Variants in CACNA2D1 observed in about 807,000 individuals in gnomAD.
CACNA2D1 encodes calcium voltage-gated channel auxiliary subunit alpha2delta 1.
In CACNA2D1, 53 loss-of-function variants were observed where a neutral mutation model predicts 171.5. That is an observed-to-expected ratio of 0.31 (90% CI 0.25 to 0.39). CACNA2D1 has a LOEUF of 0.39. CACNA2D1 is among the 10% of genes least tolerant of loss of function. The probability of loss-of-function intolerance (pLI) is 1.00; values close to 1 mark genes in which losing one functional copy is unlikely to be tolerated. For synonymous variants in CACNA2D1, 442 were observed against 443.1 expected (o/e 1.00, Z 0.03); for missense variants, 903 against 1,299.8 (o/e 0.69, Z 4.69).
At chr7:82,124,408 T>C (rs1790094183) in intron 5 of CACNA2D1, among the ~76,000 whole-genome samples, 1 of 152,138 alleles carries the variant, frequency 6.6e-6, no homozygotes, top group Non-Finnish European at 1.5e-5. Context: ...ACAGTCTTTA[T>C]TTGCATAGGA....
rs183430209 is a variant in CACNA2D1, at chr7:82,227,963, C to T, written c.295-57354G>A. Reference sequence around the variant, plus strand: ...AAAATGAACCCCAAGTGTACATGTACCCCCGGCTGTACATGTCCTTTATAA... The same window carrying T: ...AAAATGAACCCCAAGTGTACATGTATCCCCGGCTGTACATGTCCTTTATAA... On this transcript the variant is annotated intron_variant, in intron 3 of 38. Transcript: ENST00000356860. 9.2e-5 allele frequency among the ~76,000 whole-genome samples: 14 copies of T among 152,098 alleles called. No individual in the cohort carries two copies. In the East Asian group the frequency reaches 1.9e-3, roughly 21 times the overall value.
chr7:82,386,892 T>C (rs941909229), intron 1 of CACNA2D1, among the ~76,000 whole-genome samples: 1 of 151,964 alleles, frequency 6.6e-6, no homozygotes, highest in African/African-American at 2.4e-5. Flanking sequence ...TTCCTTTTTA[T>C]TGTAAAAATA....
At chr7:82,255,632 A>C (rs949030021) in intron 3 of CACNA2D1, among the ~76,000 whole-genome samples, 4 of 152,300 alleles carry the variant, frequency 2.6e-5, no homozygotes, top group Non-Finnish European at 5.9e-5. Context: ...TTGAGCCTGG[A>C]ATTAGAACAA....
At chr7:82,437,179 T>G (rs991313877) in intron 1 of CACNA2D1, among the ~76,000 whole-genome samples, 7 of 152,136 alleles carry the variant, frequency 4.6e-5, no homozygotes, top group African/African-American at 1.7e-4. Flanking sequence ...AATTTTTCAT[T>G]TGATTTGATG....
chr7:81,959,775 C>A lies in CACNA2D1; in HGVS notation c.3021G>T (p.Glu1007Asp), dbSNP rs9886043. 6.2e-7 allele frequency: 1 copy of A among 1,612,686 alleles called. No homozygotes were observed. Among genetic ancestry groups the A allele is most frequent in the East Asian group, 2.2e-5 (1 of 44,830 alleles). The change falls in exon 37 of 39, where the codon GAG becomes GAT. Residue 1007 changes from glutamate (E) to aspartate (D), a missense_variant. By Grantham distance (45) the Glu-to-Asp change is conservative. This residue lies in a region of CACNA2D1 where 623 missense variants were observed against 925.5 expected (regional missense o/e 0.67). Transcript: ENST00000356860. ...TGTCACATGGACATGTCCCTTTGCT[C>A]TCAACCATTATGAATATTAAGTTGG... ...MNTNLIFIMV[E>D]SKGTCPCDTR...
chr7:82,290,580 A>G (rs1009535544), intron 3 of CACNA2D1, among the ~76,000 whole-genome samples: 1 of 55,694 alleles, frequency 1.8e-5, no homozygotes, highest in Non-Finnish European at 4.3e-5. Flanking sequence ...GTCGTATATT[A>G]AAAAAAAAAA....
intron 10 of CACNA2D1, among the ~76,000 whole-genome samples, chr7:82,052,723 G>A (rs1056165983): frequency 1.3e-5 from 2 of 151,992 alleles, no homozygotes; most frequent in Non-Finnish European, 2.9e-5. Flanking sequence ...AAAGATACAC[G>A]GTAAAGAAAG....
At chr7:82,017,043 A>G (rs1257712842) in intron 12 of CACNA2D1, among the ~76,000 whole-genome samples, 1 of 152,064 alleles carries the variant, frequency 6.6e-6, no homozygotes, top group Non-Finnish European at 1.5e-5. Flanking sequence ...TACCATTACA[A>G]TATTTACGCA....
intron 1 of CACNA2D1, among the ~76,000 whole-genome samples, chr7:82,410,911 C>CCT (rs1470678173): frequency 6.6e-6 from 1 of 152,104 alleles, no homozygotes; most frequent in Non-Finnish European, 1.5e-5. Context: ...TCGAGACTGC[C>CCT]CTCTCTCTCA....
At chr7:82,124,003 A>C (rs1157459504) in intron 5 of CACNA2D1, among the ~76,000 whole-genome samples, 1 of 152,086 alleles carries the variant, frequency 6.6e-6, no homozygotes, top group Non-Finnish European at 1.5e-5. Context: ...TATCACATCA[A>C]AAATATTTAA....
chr7:82,435,477 A>T (rs561081947), intron 1 of CACNA2D1, among the ~76,000 whole-genome samples: 2 of 152,294 alleles, frequency 1.3e-5, no homozygotes, highest in African/African-American at 4.8e-5. Context: ...TTAATGACAC[A>T]TGATCTACAT....
At chr7:82,096,424 C>T (rs1260660125) in intron 6 of CACNA2D1, among the ~76,000 whole-genome samples, 1 of 152,010 alleles carries the variant, frequency 6.6e-6, no homozygotes, top group South Asian at 2.1e-4. Flanking sequence ...ATCATGAGTG[C>T]TCTTTAAAGA....
At chr7:82,006,271 T>C (rs1799109694) in intron 16 of CACNA2D1, among the ~76,000 whole-genome samples, 2 of 152,054 alleles carry the variant, frequency 1.3e-5, no homozygotes, top group Non-Finnish European at 2.9e-5. Flanking sequence ...TAAGAACACA[T>C]TGGATTTTTG....
At chr7:81,971,218 C>A (rs1795231780) in intron 26 of CACNA2D1, 2 of 181,626 alleles carry the variant, frequency 1.1e-5, no homozygotes, top group South Asian at 2.3e-4. Context: ...GAGTTAGATT[C>A]TGGCCAATAT....
At chr7:82,109,463 T>C (rs1434125453) in intron 6 of CACNA2D1, among the ~76,000 whole-genome samples, 1 of 152,154 alleles carries the variant, frequency 6.6e-6, no homozygotes, top group Non-Finnish European at 1.5e-5. Flanking sequence ...AGGATATTCA[T>C]ATATGGCAGC....
At chr7:82,332,377 A>G (rs1817413246) in intron 3 of CACNA2D1, among the ~76,000 whole-genome samples, 1 of 152,120 alleles carries the variant, frequency 6.6e-6, no homozygotes, top group African/African-American at 2.4e-5. Flanking sequence ...TTTCAATGAA[A>G]TGTTTCAACC....
At position 82,221,792 on chromosome 7, in the gene CACNA2D1, T is replaced by A. The variant is rs533766423; in HGVS notation, c.295-51183A>T. ...CTGTTACCAAAAAAAAAAAAAACAC[T>A]ACGAATTCAGATAGCATATTAAAAT... is the stretch of plus-strand genomic sequence containing the variant. On this transcript the variant is annotated intron_variant, in intron 3 of 38. Coordinates refer to ENST00000356860, the MANE Select transcript of CACNA2D1 (RefSeq NM_000722.4). Among the ~76,000 whole-genome samples the A allele has an allele frequency of 1.4e-4, 20 of 143,076 alleles. No homozygotes were observed. The East Asian group carries it at 3.1e-3, about 22-fold the overall frequency. The allele number at this position is 143,076 out of a possible 152,430, so 93.9% of individuals were successfully genotyped here. A position where few individuals can be genotyped will look rare whatever the true frequency, so the allele number is the denominator to read the frequency against.
At chr7:82,269,538 T>G (rs1808347979) in intron 3 of CACNA2D1, among the ~76,000 whole-genome samples, 1 of 152,192 alleles carries the variant, frequency 6.6e-6, no homozygotes, top group Non-Finnish European at 1.5e-5. Context: ...AGTTTAAAAT[T>G]GATATGCTTT....
At chr7:81,971,701 T>G in intron 26 of CACNA2D1, 76 bp downstream of exon 26, 2 of 826,300 alleles carry the variant, frequency 2.4e-6, no homozygotes, top group East Asian at 5.1e-5. Flanking sequence ...TTTATGAGAT[T>G]CATACCCAAT....
Sources: gnomAD v4.1 joint callset for allele counts (sites outside exome capture counted in the v4.1 genomes callset) on GRCh38, gnomAD v4.1.1 for gene constraint, gnomAD v4.1.1 regional missense constraint, MANE v1.5 for transcripts, NCBI Gene and HGNC (gene_info 2026-07-23, HGNC 2026-07-21) for gene names.